ERI3: variants seen among roughly 807,000 people sequenced by gnomAD.
The protein encoded by ERI3 is ERI1 exoribonuclease 3.
Under a neutral mutation model 44.4 loss-of-function variants are expected in ERI3, and 18 were observed. The observed-to-expected ratio is 0.41, with a 90% CI of 0.28 to 0.60. ERI3 has a LOEUF of 0.60. Ranked by LOEUF, ERI3 falls within the 20% of genes least tolerant of loss-of-function variation. The probability of loss-of-function intolerance (pLI) is 0.36; values close to 1 mark genes in which losing one functional copy is unlikely to be tolerated. For synonymous variants in ERI3, 183 were observed against 164.8 expected, an observed-to-expected ratio of 1.11 and a Z score of -0.84; for missense variants, 294 against 435.5, an observed-to-expected ratio of 0.68 and a Z score of 2.89.
intron 2 of ERI3, among the ~76,000 whole-genome samples, chr1:44,341,710 G>C (rs1557866423): frequency 6.6e-6 from 1 of 151,980 alleles, no homozygotes; most frequent in Non-Finnish European, 1.5e-5. Context: ...AACATAGTGA[G>C]ACCCAATCTC....
intron 8 of ERI3, among the ~76,000 whole-genome samples, chr1:44,242,247 A>T (rs1177599408): frequency 6.6e-6 from 1 of 152,190 alleles, no homozygotes; most frequent in East Asian, 1.9e-4. Flanking sequence ...CTCCCCTCCC[A>T]GCCCTGAAGG....
intron 3 of ERI3, among the ~76,000 whole-genome samples, chr1:44,326,452 T>C (rs1190301132): frequency 6.6e-6 from 1 of 152,226 alleles, no homozygotes; most frequent in Non-Finnish European, 1.5e-5. Context: ...GCTTATTTCT[T>C]AAACAAACAC....
chr1:44,311,016 C>G (rs59741438), intron 5 of ERI3, among the ~76,000 whole-genome samples: 2 of 144,280 alleles, frequency 1.4e-5, no homozygotes, highest in African/African-American at 5.1e-5. Context: ...CACACACACA[C>G]GTGCAGGAAT....
intron 7 of ERI3, among the ~76,000 whole-genome samples, chr1:44,256,249 G>A (rs1327400859): frequency 6.6e-6 from 1 of 152,148 alleles, no homozygotes; most frequent in Non-Finnish European, 1.5e-5. Context: ...AACCATAGCT[G>A]TTCTTGCCCA....
intron 1 of ERI3, chr1:44,354,009 G>A: frequency 2.0e-6 from 2 of 985,334 alleles, no homozygotes; most frequent in East Asian, 1.1e-4. Context: ...GGAGATTCAG[G>A]TATAATAAAC....
rs368218743 is a variant in ERI3 at position 44,248,042 on chromosome 1, G to A, written c.832-4C>T. The A allele has an allele frequency of 8.1e-6, 13 of 1,609,804 alleles. No individual in the cohort carries two copies. The highest frequency in any genetic ancestry group is 2.7e-5 in the African/African-American group (2 of 74,964). On this transcript the variant is annotated splice_polypyrimidine_tract_variant and splice_region_variant and intron_variant, in intron 7 of 8. Transcript: ENST00000372257. Reference sequence around the variant, plus strand: ...AGCCCATGGCGAAGCTGTAAGCCTGGAAGACAGGAGGCAAGTGGTTAACGG... The same window carrying A: ...AGCCCATGGCGAAGCTGTAAGCCTGAAAGACAGGAGGCAAGTGGTTAACGG...
intron 4 of ERI3, among the ~76,000 whole-genome samples, chr1:44,315,718 G>A (rs1646073911): frequency 6.6e-6 from 1 of 152,256 alleles, no homozygotes; most frequent in Non-Finnish European, 1.5e-5. Flanking sequence ...TTAGCCCCCA[G>A]AGACACAGGG....
chr1:44,322,442 G>C (rs1442010125), intron 3 of ERI3, among the ~76,000 whole-genome samples: 1 of 151,040 alleles, frequency 6.6e-6, no homozygotes, highest in Non-Finnish European at 1.5e-5. Flanking sequence ...CTACACCCAA[G>C]GCTCAGGACA....
chr1:44,230,743 T>C (rs982567372), intron 8 of ERI3, among the ~76,000 whole-genome samples: 9 of 152,158 alleles, frequency 5.9e-5, no homozygotes, highest in African/African-American at 2.2e-4. Context: ...TGCCACAACC[T>C]CTATATCCTG....
At chr1:44,344,943 C>T (rs570727361) in intron 2 of ERI3, among the ~76,000 whole-genome samples, 2 of 152,196 alleles carry the variant, frequency 1.3e-5, no homozygotes, top group Admixed American at 1.3e-4. Context: ...AGAAGCAGGC[C>T]TGCGCCAGAG....
chr1:44,272,883 A>C (rs539137090), intron 7 of ERI3, among the ~76,000 whole-genome samples: 1 of 151,662 alleles, frequency 6.6e-6, no homozygotes, highest in Admixed American at 6.6e-5. Context: ...AAATAAAATA[A>C]ACTACAAATC....
chr1:44,301,972 G>A (rs1185269497), intron 6 of ERI3, among the ~76,000 whole-genome samples: 1 of 152,194 alleles, frequency 6.6e-6, no homozygotes, highest in Non-Finnish European at 1.5e-5. Flanking sequence ...TTGTGCTTGG[G>A]AGAAAAATAC....
chr1:44,349,092 C>T (rs950041010), intron 2 of ERI3, among the ~76,000 whole-genome samples: 22 of 152,162 alleles, frequency 1.4e-4, no homozygotes, highest in Admixed American at 1.4e-3. Context: ...GCTGCTCACT[C>T]GATTTGCTTT....
chr1:44,228,867 G>A lies in ERI3; in HGVS notation c.932-7227C>T, dbSNP rs1644110391. 6.6e-6 allele frequency among the ~76,000 whole-genome samples: 1 copy of A among 152,234 alleles called. No individual in the cohort carries two copies. Among genetic ancestry groups the A allele is most frequent in the Non-Finnish European group, 1.5e-5 (1 of 68,044 alleles). ...GCAAAGGACATGATTGGTCCCAAAT[G>A]CCAAAGATGATACCCAAGACAAACC... On this transcript the variant is annotated intron_variant, in intron 8 of 8. Transcript: ENST00000372257. The surrounding 1 kb of genome is among the most constrained non-coding windows in gnomAD (Gnocchi z 4.3).
intron 6 of ERI3, among the ~76,000 whole-genome samples, chr1:44,295,881 G>A (rs1272739289): frequency 6.6e-6 from 1 of 152,172 alleles, no homozygotes; most frequent in Non-Finnish European, 1.5e-5. Context: ...GCATTCAAGG[G>A]TCTGTCCCCT....
intron 7 of ERI3, among the ~76,000 whole-genome samples, chr1:44,248,745 TCTG>T (rs1644608858): frequency 6.7e-6 from 1 of 148,554 alleles, no homozygotes; most frequent in Non-Finnish European, 1.5e-5. Context: ...GAGCAGATGC[TCTG>T]CTGAAGGTCA....
intron 7 of ERI3, among the ~76,000 whole-genome samples, chr1:44,273,867 T>G (rs1451551097): frequency 7.2e-5 from 11 of 152,162 alleles, no homozygotes; most frequent in Non-Finnish European, 1.5e-5. Flanking sequence ...GAGACAGTCA[T>G]GTATATTTGA....
At chr1:44,331,268 G>A (rs529623239) in intron 3 of ERI3, among the ~76,000 whole-genome samples, 1 of 151,980 alleles carries the variant, frequency 6.6e-6, no homozygotes, top group Admixed American at 6.6e-5. Context: ...TCTATTGAAG[G>A]TAGGTCCTAG....
At chr1:44,269,940 G>T (rs567410460) in intron 7 of ERI3, among the ~76,000 whole-genome samples, 1 of 152,304 alleles carries the variant, frequency 6.6e-6, no homozygotes, top group East Asian at 1.9e-4. Context: ...AACACAGATG[G>T]CATCAACTGG....
Sources: gnomAD v4.1 joint callset for allele counts (sites outside exome capture counted in the v4.1 genomes callset) on GRCh38, gnomAD v4.1.1 for gene constraint, Gnocchi (gnomAD v3.1) non-coding constraint, MANE v1.5 for transcripts, NCBI Gene and HGNC (gene_info 2026-07-23, HGNC 2026-07-21) for gene names.